The following DENND2A variants were observed in gnomAD, a reference collection of about 807,000 sequenced individuals.
The protein encoded by DENND2A is DENN domain containing 2A.
Under a neutral mutation model 105.3 loss-of-function variants are expected in DENND2A, and 53 were observed. The observed-to-expected ratio is 0.50, with a 90% confidence interval of 0.40 to 0.63. The LOEUF is 0.63. Ranked by LOEUF, DENND2A falls within the 30% of genes least tolerant of loss-of-function variation. DENND2A has a pLI of 0.00. For synonymous variants in DENND2A, 522 were observed against 508.4 expected, an observed-to-expected ratio of 1.03 and a Z score of -0.36; for missense variants, 1,138 against 1,279.6, an observed-to-expected ratio of 0.89 and a Z score of 1.69.
intron 14 of DENND2A, among the ~76,000 whole-genome samples, chr7:140,542,086 T>C (rs1391108909): frequency 6.6e-6 from 1 of 152,126 alleles, no homozygotes; most frequent in Non-Finnish European, 1.5e-5. Flanking sequence ...TCTTTCCAGA[T>C]GGACTTCTCA....
At chr7:140,518,834 G>A (rs886837301) in intron 19 of DENND2A, 96 bp from the exon 20 acceptor site, 4 of 1,110,036 alleles carry the variant, frequency 3.6e-6, no homozygotes, top group African/African-American at 3.1e-5. Flanking sequence ...GGGTAACGGG[G>A]CCCCCACGCC....
intron 1 of DENND2A, among the ~76,000 whole-genome samples, chr7:140,610,241 G>A (rs1799844945): frequency 6.8e-6 from 1 of 147,468 alleles, no homozygotes; most frequent in Non-Finnish European, 1.5e-5. Flanking sequence ...AAAGTATTAG[G>A]ATTACAGACA....
At chr7:140,579,961 G>A (rs145732034) in intron 5 of DENND2A, among the ~76,000 whole-genome samples, 2 of 151,900 alleles carry the variant, frequency 1.3e-5, no homozygotes, top group Admixed American at 6.6e-5. Context: ...ATGAAACCCC[G>A]TCTCTACTAA....
chr7:140,566,684 A>ATTTTTTTTTTT (rs3043058), intron 9 of DENND2A, among the ~76,000 whole-genome samples: 2 of 113,250 alleles, frequency 1.8e-5, no homozygotes, highest in African/African-American at 3.6e-5. Flanking sequence ...TGGCCATACT[A>ATTTTTTTTTTT]TTTTTTTTTT....
intron 9 of DENND2A, among the ~76,000 whole-genome samples, chr7:140,564,296 A>AC (rs11407278): frequency 2.1e-5 from 3 of 141,996 alleles, no homozygotes; most frequent in African/African-American, 5.4e-5. Flanking sequence ...AAAAAAAAAA[A>AC]ATACACACAC....
intron 9 of DENND2A, among the ~76,000 whole-genome samples, chr7:140,566,730 A>G (rs1015864002): frequency 8.1e-6 from 1 of 123,712 alleles, no homozygotes; most frequent in Admixed American, 1.0e-4. Context: ...TCTGTCGCCC[A>G]GGCCGGAGTG....
intron 12 of DENND2A, among the ~76,000 whole-genome samples, chr7:140,550,087 T>C (rs1797059530): frequency 9.1e-6 from 1 of 109,456 alleles, no homozygotes; most frequent in East Asian, 3.2e-4. Context: ...TTCATAAAAA[T>C]AGAAAGTAGA....
At chr7:140,525,656 A>G (rs1796029465) in intron 16 of DENND2A, 95 bp downstream of exon 16, 1 of 1,212,746 alleles carries the variant, frequency 8.2e-7, no homozygotes, top group African/African-American at 1.5e-5. Flanking sequence ...CTGCTCTGCA[A>G]TCCCAAAGAG....
chr7:140,623,279 C>T (rs1190651911), intron 1 of DENND2A, among the ~76,000 whole-genome samples: 1 of 148,026 alleles, frequency 6.8e-6, no homozygotes, highest in East Asian at 2.0e-4. Context: ...CATGCCACCG[C>T]ACTCCAGCCT....
intron 4 of DENND2A, among the ~76,000 whole-genome samples, 164 bp downstream of exon 4, chr7:140,587,489 T>C (rs1023118887): frequency 1.3e-5 from 2 of 151,964 alleles, no homozygotes; most frequent in African/African-American, 2.4e-5. Context: ...CAAGGCTCAC[T>C]CTCCCACCCC....
At chr7:140,555,500 G>A in intron 12 of DENND2A, 136 bp downstream of exon 12, 1 of 743,384 alleles carries the variant, frequency 1.3e-6, no homozygotes, top group Non-Finnish European at 2.2e-6. Flanking sequence ...GTGATGAGGA[G>A]AGGAGTGAAG....
At chr7:140,576,280 G>A (rs1262430987) in intron 5 of DENND2A, among the ~76,000 whole-genome samples, 1 of 152,042 alleles carries the variant, frequency 6.6e-6, no homozygotes, top group East Asian at 1.9e-4. Flanking sequence ...ATGAAAATGT[G>A]TTAATCTTTT....
At chr7:140,616,548 AC>A (rs1800093575) in intron 1 of DENND2A, among the ~76,000 whole-genome samples, 1 of 152,172 alleles carries the variant, frequency 6.6e-6, no homozygotes, top group African/African-American at 2.4e-5. Context: ...TATACTAGAA[AC>A]CACTAAATTA....
rs115041851 is a variant in DENND2A, at chr7:140,528,122, T to C, written c.2328-627A>G. On this transcript the variant is annotated intron_variant, in intron 14 of 19. Transcript: ENST00000496613. ...CCTCAAAGTGCTGGGATTACAGGCG[T>C]GAGCCACCATGCCTGGACTCTTGTA... Among the ~76,000 whole-genome samples the C allele has an allele frequency of 6.3e-3, 959 of 152,208 alleles. 7 individuals are homozygous for C. Among genetic ancestry groups the C allele is most frequent in the African/African-American group, 0.021 (889 of 41,550 alleles).
intron 16 of DENND2A, among the ~76,000 whole-genome samples, chr7:140,524,527 C>T (rs1386435429): frequency 6.6e-6 from 1 of 152,036 alleles, no homozygotes; most frequent in Non-Finnish European, 1.5e-5. Context: ...CACGTGCGTG[C>T]GCGCACACAC....
chr7:140,597,186 C>T (rs1799316560), intron 3 of DENND2A, among the ~76,000 whole-genome samples: 2 of 152,204 alleles, frequency 1.3e-5, no homozygotes, highest in Admixed American at 6.5e-5. Context: ...AACCGAGGAT[C>T]TGAATCCGCT....
At chr7:140,609,684 C>T (rs1799823324) in intron 1 of DENND2A, among the ~76,000 whole-genome samples, 1 of 152,196 alleles carries the variant, frequency 6.6e-6, no homozygotes, top group South Asian at 2.1e-4. Context: ...TTTTAAAATT[C>T]TAACATCTAT....
At chr7:140,551,963 A>G (rs10227057) in intron 12 of DENND2A, among the ~76,000 whole-genome samples, 4,111 of 152,320 alleles carry the variant, frequency 0.027, 183 homozygotes, top group African/African-American at 0.094. Context: ...CATCACAGAA[A>G]TATGTTAGCA....
At chr7:140,541,856 C>G (rs1238383994) in intron 14 of DENND2A, among the ~76,000 whole-genome samples, 1 of 152,232 alleles carries the variant, frequency 6.6e-6, no homozygotes, top group Non-Finnish European at 1.5e-5. Context: ...TGGCTGCTGT[C>G]CAAAGAGGTG....
Sources: allele counts gnomAD v4.1 joint callset (sites outside exome capture counted in the v4.1 genomes callset), GRCh38; gene constraint gnomAD v4.1.1; transcripts MANE v1.5; gene names NCBI Gene and HGNC (gene_info 2026-07-23, HGNC 2026-07-21).